Variants in MEF2A observed in about 807,000 individuals in gnomAD.
The protein encoded by MEF2A is myocyte enhancer factor 2A.
MEF2A carries 28 observed loss-of-function variants against 55.8 expected under a neutral mutation model. The observed-to-expected ratio is 0.50, with a 90% CI of 0.37 to 0.69. MEF2A has a LOEUF of 0.69. MEF2A is among the 30% of genes least tolerant of loss of function. MEF2A has a pLI of 0.00. For synonymous variants in MEF2A, 239 were observed against 227.1 expected (o/e 1.05, Z -0.47); for missense variants, 528 against 626.2 (o/e 0.84, Z 1.67).
intron 1 of MEF2A, among the ~76,000 whole-genome samples, chr15:99,578,750 A>G (rs977817011): frequency 2.6e-5 from 4 of 152,230 alleles, no homozygotes; most frequent in African/African-American, 4.8e-5. Flanking sequence ...TGAAAGCCAC[A>G]GGGTTCGTGT....
chr15:99,643,864 T>C (rs2045480264), intron 3 of MEF2A, among the ~76,000 whole-genome samples: 1 of 152,212 alleles, frequency 6.6e-6, no homozygotes, highest in Non-Finnish European at 1.5e-5. Flanking sequence ...GTGCTGGGAT[T>C]ACGGGCGTGA....
intron 8 of MEF2A, chr15:99,690,766 T>C (rs1461536033): frequency 2.3e-6 from 1 of 430,424 alleles, no homozygotes; most frequent in Admixed American, 2.8e-5. Context: ...CTTGTGGAGA[T>C]AGAGAATAGA....
At chr15:99,607,125 G>A (rs1975449512) in intron 2 of MEF2A, among the ~76,000 whole-genome samples, 10 of 152,142 alleles carry the variant, frequency 6.6e-5, no homozygotes, top group Admixed American at 5.9e-4. Context: ...AATAAGCTAT[G>A]ATGATTAGGG....
At chr15:99,696,663 C>G (rs186944473) in intron 8 of MEF2A, among the ~76,000 whole-genome samples, 1 of 151,914 alleles carries the variant, frequency 6.6e-6, no homozygotes, top group Non-Finnish European at 1.5e-5. Context: ...AATCAGTAAT[C>G]TAAGCTCTTA....
chr15:99,689,706 C>T (rs2055003833), intron 7 of MEF2A, among the ~76,000 whole-genome samples: 2 of 152,186 alleles, frequency 1.3e-5, no homozygotes, highest in Non-Finnish European at 2.9e-5. Flanking sequence ...GTCTCAAACA[C>T]CTGACCTCAA....
intron 4 of MEF2A, among the ~76,000 whole-genome samples, chr15:99,651,563 A>C (rs544252481): frequency 6.6e-6 from 1 of 152,302 alleles, no homozygotes; most frequent in Admixed American, 6.5e-5. Flanking sequence ...CTGCTCTTTT[A>C]TTCCTAACAG....
At chr15:99,689,616 G>A (rs1175691649) in intron 7 of MEF2A, among the ~76,000 whole-genome samples, 4 of 152,138 alleles carry the variant, frequency 2.6e-5, no homozygotes, top group East Asian at 3.9e-4. Flanking sequence ...GAGTAGCTGG[G>A]ATCACAGGCG....
intron 7 of MEF2A, among the ~76,000 whole-genome samples, chr15:99,682,529 G>T (rs2053434531): frequency 6.6e-6 from 1 of 152,126 alleles, no homozygotes; most frequent in Admixed American, 6.5e-5. Flanking sequence ...AATTGAGCTG[G>T]AGGTAAGAAG....
At chr15:99,580,948 A>G (rs1000182249) in intron 1 of MEF2A, among the ~76,000 whole-genome samples, 1 of 152,010 alleles carries the variant, frequency 6.6e-6, no homozygotes, top group Admixed American at 6.6e-5. Flanking sequence ...CCTTGACTCT[A>G]CACTTGTTAT....
intron 8 of MEF2A, among the ~76,000 whole-genome samples, chr15:99,692,763 G>A (rs2055738588): frequency 6.6e-6 from 1 of 152,158 alleles, no homozygotes; most frequent in African/African-American, 2.4e-5. Flanking sequence ...AAAAAGTTTT[G>A]CCAGGATCTT....
At chr15:99,605,329 TTACCAACTTTAA>T (rs1974668076) in intron 2 of MEF2A, among the ~76,000 whole-genome samples, 2 of 152,212 alleles carry the variant, frequency 1.3e-5, no homozygotes, top group Admixed American at 1.3e-4. Flanking sequence ...GGACAAATGA[TTACCAACTTTAA>T]TTCCATCTGC....
At chr15:99,646,986 TC>T (rs1374165969) in intron 4 of MEF2A, among the ~76,000 whole-genome samples, 1 of 152,102 alleles carries the variant, frequency 6.6e-6, no homozygotes, top group Non-Finnish European at 1.5e-5. Context: ...GCTGTTAACC[TC>T]CCCTGAATTG....
chr15:99,601,605 C>T (rs1197498074), intron 2 of MEF2A, among the ~76,000 whole-genome samples: 1 of 150,870 alleles, frequency 6.6e-6, no homozygotes, highest in Non-Finnish European at 1.5e-5. Context: ...TACCTCCCCT[C>T]CTGTTTGTCT....
intron 3 of MEF2A, among the ~76,000 whole-genome samples, chr15:99,636,331 C>T (rs1162499823): frequency 6.6e-6 from 1 of 151,946 alleles, no homozygotes; most frequent in Non-Finnish European, 1.5e-5. Flanking sequence ...CTATGGCTTG[C>T]CTTTTCACTT....
At chr15:99,645,830 C>T (rs2045873839) in intron 4 of MEF2A, 66 bp downstream of exon 4, 1 of 1,140,758 alleles carries the variant, frequency 8.8e-7, no homozygotes, top group Non-Finnish European at 1.2e-6. Context: ...ATAGCATTAA[C>T]TGTCAGAATG....
intron 2 of MEF2A, among the ~76,000 whole-genome samples, chr15:99,631,909 A>G (rs575457703): frequency 6.6e-6 from 1 of 152,200 alleles, no homozygotes; most frequent in Admixed American, 6.5e-5. Context: ...TGCACAGTAC[A>G]ATTGAAGTTT....
intron 2 of MEF2A, chr15:99,621,042 A>G: frequency 6.6e-6 from 1 of 152,070 alleles, no homozygotes; most frequent in Non-Finnish European, 1.5e-5. Context: ...ATGGAGTTTC[A>G]CCATGTTGGC....
Position 99,567,627 on chromosome 15 carries a change from CTGTGTGTGTGTGTG to C in MEF2A, c.-225+1547_-225+1560del, listed in dbSNP as rs370539645. 1.3e-4 allele frequency among the ~76,000 whole-genome samples: 18 copies of C among 143,866 alleles called. No homozygotes were observed. The Middle Eastern group carries it at 0.01, about 83-fold the overall frequency. The allele number at this position is 143,866 out of a possible 152,430, so 94.4% of individuals were successfully genotyped here. ...TGTGCCTTTATGGCTTTTGTATGTA[CTGTGTGTGTGTGTG>C]TGTGTGTGTGTGTGTGTGTGTGTAT... On this transcript the variant is annotated intron_variant, in intron 1 of 11. Coordinates refer to ENST00000557942, the MANE Select transcript of MEF2A (RefSeq NM_001319206.4).
At chr15:99,674,924 T>C (rs1003313447) in intron 6 of MEF2A, among the ~76,000 whole-genome samples, 4 of 152,160 alleles carry the variant, frequency 2.6e-5, no homozygotes, top group African/African-American at 9.7e-5. Context: ...GTGTGAGCCA[T>C]TCATGTTAGA....
Sources: allele counts gnomAD v4.1 joint callset (sites outside exome capture counted in the v4.1 genomes callset), GRCh38; gene constraint gnomAD v4.1.1; transcripts MANE v1.5; gene names NCBI Gene and HGNC (gene_info 2026-07-23, HGNC 2026-07-21).